Variants in EML6 observed in about 807,000 individuals in gnomAD.
The protein encoded by EML6 is EMAP like 6.
Under a neutral mutation model 240.1 loss-of-function variants are expected in EML6, and 154 were observed. The observed-to-expected ratio is 0.64, with a 90% CI of 0.56 to 0.73. The LOEUF (loss-of-function observed/expected upper bound fraction) is 0.73, where lower values mean the gene tolerates loss of function less well. EML6 is among the 30% of genes least tolerant of loss of function. The probability of loss-of-function intolerance (pLI) is 0.00; values close to 1 mark genes in which losing one functional copy is unlikely to be tolerated. For missense variants in EML6, 2,964 were observed against 2,474.6 expected, an observed-to-expected ratio of 1.20 and a Z score of -4.20; for synonymous variants, 1,148 against 899.0, an observed-to-expected ratio of 1.28 and a Z score of -4.95.
intron 16 of EML6, among the ~76,000 whole-genome samples, chr2:54,874,945 G>C (rs1414142711): frequency 6.6e-6 from 1 of 152,186 alleles, no homozygotes; most frequent in Non-Finnish European, 1.5e-5. Context: ...AGAGCCACCA[G>C]GCCTGGGTTT....
At chr2:54,967,213 G>T (rs917516821) in intron 39 of EML6, 110 bp downstream of exon 39, 7 of 721,826 alleles carry the variant, frequency 9.7e-6, no homozygotes, top group Non-Finnish European at 1.6e-5. Flanking sequence ...GAGAAATGGA[G>T]CTGTCTTTTC....
intron 26 of EML6, among the ~76,000 whole-genome samples, chr2:54,925,605 T>C (rs549521838): frequency 1.3e-5 from 2 of 152,180 alleles, no homozygotes; most frequent in Non-Finnish European, 2.9e-5. Context: ...ACAAGTATCT[T>C]TATTAATATT....
chr2:54,746,062 C>A (rs1029656451), intron 2 of EML6, among the ~76,000 whole-genome samples: 2 of 152,148 alleles, frequency 1.3e-5, no homozygotes, highest in African/African-American at 4.8e-5. Flanking sequence ...AGGATTGAGA[C>A]TCAAAAGAGG....
chr2:54,934,786 C>G (rs549565261), intron 28 of EML6, among the ~76,000 whole-genome samples: 30 of 152,248 alleles, frequency 2.0e-4, no homozygotes, highest in Non-Finnish European at 3.4e-4. Context: ...CTCTTTGGCT[C>G]AAGCGGTCTT....
At chr2:54,825,030 T>C (rs1221978342) in intron 5 of EML6, among the ~76,000 whole-genome samples, 2 of 152,344 alleles carry the variant, frequency 1.3e-5, no homozygotes, top group Admixed American at 1.3e-4. Flanking sequence ...AATGTTTTCA[T>C]GTGGGCCTTA....
chr2:54,785,257 C>T lies in EML6; in HGVS notation c.198-27975C>T, dbSNP rs191911534. ...GTGGCGCAATCTCGGCTCACCACAACGTCTGCCACCCAGGTTCAAGTGATT... is the reference window on the plus strand; with the variant it reads ...GTGGCGCAATCTCGGCTCACCACAATGTCTGCCACCCAGGTTCAAGTGATT... On this transcript the variant is annotated intron_variant, in intron 2 of 41. Coordinates refer to ENST00000356458, the MANE Select transcript of EML6 (RefSeq NM_001039753.4). Among the ~76,000 whole-genome samples, 952 of 150,004 alleles carry T rather than the reference C, an allele frequency of 6.3e-3. 8 individuals carry two copies. Among genetic ancestry groups the T allele is most frequent in the Admixed American group, 7.1e-3 (106 of 14,950 alleles).
intron 7 of EML6, among the ~76,000 whole-genome samples, chr2:54,839,708 C>T (rs1669338223): frequency 6.6e-6 from 1 of 152,166 alleles, no homozygotes; most frequent in African/African-American, 2.4e-5. Flanking sequence ...CCTCAAACTC[C>T]CGCCTCTTGC....
At position 54,866,785 on chromosome 2, in the gene EML6, C is replaced by G. The variant is rs1467567836; in HGVS notation, c.1952C>G (p.Pro651Arg). 6.4e-7 allele frequency: 1 copy of G among 1,550,434 alleles called. No homozygotes were observed. The highest frequency in any genetic ancestry group is 8.7e-7 in the Non-Finnish European group (1 of 1,145,900). Residue 651 changes from proline to arginine, a missense_variant, in exon 14 of 42, where the codon CCT becomes CGT. By Grantham distance (103) the Pro-to-Arg change is moderately radical (BLOSUM62 -2). Transcript: ENST00000356458. Reference sequence around the variant, plus strand: ...TTTAAGGTTTACAAAGAAGATCTACCTCAGCTAAAGCAACAAAGTAAAGAG... The same window carrying G: ...TTTAAGGTTTACAAAGAAGATCTACGTCAGCTAAAGCAACAAAGTAAAGAG... ...YDRQVYKEDL[P>R]QLKQQSKEKN...
At position 54,859,622 on chromosome 2, in the gene EML6, A is replaced by T; in HGVS notation, c.1746A>T (p.Gly582=). ...SHDFQWVLST[G]GADHSVFQWR... ...ACTTTCAGTGGGTGTTGAGCACAGG[A>T]GGGGCTGATCACTCAGTTTTCCAGT... is the stretch of plus-strand genomic sequence containing the variant. The change falls in exon 12 of 42, where the codon GGA becomes GGT. Residue 582 remains glycine (G), a synonymous_variant. Transcript: ENST00000356458. 1 of 1,551,460 alleles carries T rather than the reference A, an allele frequency of 6.4e-7. No homozygotes were observed. The highest frequency in any genetic ancestry group is 1.2e-5 in the South Asian group (1 of 84,024).
At chr2:54,794,479 G>A (rs1368584201) in intron 2 of EML6, among the ~76,000 whole-genome samples, 4 of 152,202 alleles carry the variant, frequency 2.6e-5, no homozygotes, top group Non-Finnish European at 5.9e-5. Context: ...ATCTGAGGGA[G>A]TAGGGACAGG....
intron 4 of EML6, 129 bp from the exon 5 acceptor site, chr2:54,820,265 C>G (rs902089633): frequency 1.2e-5 from 7 of 603,244 alleles, no homozygotes; most frequent in Non-Finnish European, 1.8e-5. Flanking sequence ...CCAAATCTTC[C>G]ATTTTTATTC....
chr2:54,908,424 A>G (rs946015064), intron 24 of EML6, among the ~76,000 whole-genome samples: 1 of 152,158 alleles, frequency 6.6e-6, no homozygotes, highest in Non-Finnish European at 1.5e-5. Context: ...CATGTTGCCC[A>G]GGCTGGAAAC....
At position 54,923,804 on chromosome 2, in the gene EML6, C is replaced by T. The variant is rs192355397; in HGVS notation, c.3676-4509C>T. On this transcript the variant is annotated intron_variant, in intron 26 of 41. Coordinates refer to ENST00000356458, the MANE Select transcript of EML6 (RefSeq NM_001039753.4). ...CCTTCTGGGCCAGTCCCCATGCCCC[C>T]TCCCTCCCTCAGCTGAAACAACTGT... Among the ~76,000 whole-genome samples, 10 of 152,284 alleles carry T rather than the reference C, an allele frequency of 6.6e-5. No homozygotes were observed. The East Asian group carries it at 1.9e-3, about 29-fold the overall frequency.
chr2:54,893,854 G>GT lies in EML6; in HGVS notation c.2743-1054dup, dbSNP rs541545086. ...CAAAGGTGTTGTTTTGTTTTGTTTT[G>GT]TTTTTTTATTGGTACATATGTTTTT... On this transcript the variant is annotated intron_variant, in intron 19 of 41. Coordinates refer to ENST00000356458, the MANE Select transcript of EML6 (RefSeq NM_001039753.4). Among the ~76,000 whole-genome samples the GT allele has an allele frequency of 7.4e-4, 112 of 152,060 alleles. No homozygotes were observed. In the Middle Eastern group the frequency reaches 0.017, roughly 23 times the overall value.
In EML6 at chr2:54,903,249, T is replaced by C. The variant is rs1245203362; in HGVS notation, c.3277+53T>C. 8 of 1,529,606 alleles carry C rather than the reference T, an allele frequency of 5.2e-6. No individual in the cohort carries two copies. The East Asian group carries it at 9.8e-5, about 19-fold the overall frequency. The allele number at this position is 1,529,606 out of a possible 1,614,324, so 94.8% of individuals were successfully genotyped here. ...AATAGCACAGTCTTGGGACAAAAAA[T>C]TACAAGAATGAACTATTTCAAATGT... On this transcript the variant is annotated intron_variant, in intron 23 of 41. Transcript: ENST00000356458.
chr2:54,786,385 G>A (rs917052296), intron 2 of EML6, among the ~76,000 whole-genome samples: 3 of 152,148 alleles, frequency 2.0e-5, no homozygotes, highest in African/African-American at 7.2e-5. Context: ...TAAGCAGAAA[G>A]TCACTTATTG....
intron 2 of EML6, among the ~76,000 whole-genome samples, chr2:54,796,870 C>T (rs891515348): frequency 6.6e-6 from 1 of 151,948 alleles, no homozygotes; most frequent in Non-Finnish European, 1.5e-5. Flanking sequence ...CACCCTGTGG[C>T]CAGGTAGTCA....
chr2:54,733,937 A>G (rs72913543), intron 2 of EML6, among the ~76,000 whole-genome samples: 1 of 152,192 alleles, frequency 6.6e-6, no homozygotes, highest in Non-Finnish European at 1.5e-5. Flanking sequence ...GTAGAAGAGA[A>G]GGAGGCAAAT....
chr2:54,924,582 T>C (rs540265949), intron 26 of EML6, among the ~76,000 whole-genome samples: 21 of 152,210 alleles, frequency 1.4e-4, no homozygotes, highest in Non-Finnish European at 2.8e-4. Context: ...TTTTTCAAGA[T>C]GGAGTTTTTG....
Sources: allele counts gnomAD v4.1 joint callset (sites outside exome capture counted in the v4.1 genomes callset), GRCh38; gene constraint gnomAD v4.1.1; transcripts MANE v1.5; gene names NCBI Gene and HGNC (gene_info 2026-07-23, HGNC 2026-07-21).